Variants in DLG5 observed in about 807,000 individuals in gnomAD.
The protein encoded by DLG5 is discs large MAGUK scaffold protein 5, also known as disks large homolog 5.
Under a neutral mutation model 189.8 loss-of-function variants are expected in DLG5, and 48 were observed. That is an observed-to-expected ratio of 0.25 (90% CI 0.20 to 0.32). DLG5 has a LOEUF of 0.32. DLG5 is among the 10% of genes least tolerant of loss of function. The pLI, the probability that DLG5 is intolerant of heterozygous loss-of-function variation, is 1.00. For missense variants in DLG5, 2,160 were observed against 2,544.7 expected (o/e 0.85, Z 3.25); for synonymous variants, 1,016 against 1,054.1 (o/e 0.96, Z 0.70).
chr10:77,828,486 CAAAAAAA>C lies in DLG5; in HGVS notation c.2289+389_2289+395del, dbSNP rs34839290. On this transcript the variant is annotated intron_variant, in intron 13 of 31. Coordinates refer to ENST00000372391, the MANE Select transcript of DLG5 (RefSeq NM_004747.4). ...TGGGTGACAGAGCAAGACTCCATAT[CAAAAAAA>C]AAAAAAAAAAAAAAAAAGTTAATAG... Among the ~76,000 whole-genome samples, 24 of 66,464 alleles carry C rather than the reference CAAAAAAA, an allele frequency of 3.6e-4. 1 individual carries two copies. The East Asian group carries it at 5.7e-3, about 16-fold the overall frequency. The allele number at this position is 66,464 out of a possible 152,430, so 43.6% of individuals were successfully genotyped here.
At position 77,892,943 on chromosome 10, in the gene DLG5, C is replaced by T. The variant is rs373094418; in HGVS notation, c.305-23746G>A. ...CTTCCTGCTGTCCTCTCAGACTAAACGCAGTAGGTACTGGGTCACTGGGAG... is the reference window on the plus strand; with the variant it reads ...CTTCCTGCTGTCCTCTCAGACTAAATGCAGTAGGTACTGGGTCACTGGGAG... On this transcript the variant is annotated intron_variant, in intron 1 of 31. Coordinates refer to ENST00000372391, the MANE Select transcript of DLG5 (RefSeq NM_004747.4). 9.8e-5 allele frequency among the ~76,000 whole-genome samples: 15 copies of T among 152,334 alleles called. No homozygotes were observed. The South Asian group carries it at 2.7e-3, about 27-fold the overall frequency.
In DLG5 at chr10:77,810,603, G is replaced by C. The variant is rs372128062; in HGVS notation, c.4463+491C>G. Reference sequence around the variant, plus strand: ...CTCTTTATGCCCACTCTTGGCTCTTGCCTGTCCTGAACATTTTAATCCAGC... The same window carrying C: ...CTCTTTATGCCCACTCTTGGCTCTTCCCTGTCCTGAACATTTTAATCCAGC... On this transcript the variant is annotated intron_variant, in intron 23 of 31. Transcript: ENST00000372391. Among the ~76,000 whole-genome samples, 11 of 152,336 alleles carry C rather than the reference G, an allele frequency of 7.2e-5. No individual in the cohort carries two copies. In the South Asian group the frequency reaches 1.2e-3, roughly 17 times the overall value.
chr10:77,890,247 C>G (rs911672024), intron 1 of DLG5, among the ~76,000 whole-genome samples: 1 of 152,214 alleles, frequency 6.6e-6, no homozygotes, highest in African/African-American at 2.4e-5. Flanking sequence ...GGATGCTGAG[C>G]TGCAGCAGGA....
Position 77,820,077 on chromosome 10 carries a change from G to A in DLG5, c.3403-59C>T, listed in dbSNP as rs939041586. On this transcript the variant is annotated intron_variant, in intron 15 of 31. Transcript: ENST00000372391. ...AGAGTGGAGTGTGGCCAGGCGCAGT[G>A]GCTCACACCTATAATCCCAGCACTC... 55 of 1,601,658 alleles carry A rather than the reference G, an allele frequency of 3.4e-5. No homozygotes were observed. In the African/African-American group the frequency reaches 5.6e-4, roughly 16 times the overall value.
chr10:77,795,070 GCAGTAAAGCCACA>G, intron 29 of DLG5, 112 bp from the exon 30 acceptor site: 1 of 763,666 alleles, frequency 1.3e-6, no homozygotes, highest in South Asian at 1.7e-5. Flanking sequence ...CACAAACAAG[GCAGTAAAGCCACA>G]CAGTACACCG....
intron 5 of DLG5, among the ~76,000 whole-genome samples, chr10:77,850,561 G>C (rs1843920100): frequency 6.6e-6 from 1 of 152,158 alleles, no homozygotes; most frequent in African/African-American, 2.4e-5. Flanking sequence ...GTCGCTGGGA[G>C]GTCACCTGTT....
chr10:77,864,340 G>C (rs1399307669), intron 2 of DLG5, among the ~76,000 whole-genome samples: 1 of 152,222 alleles, frequency 6.6e-6, no homozygotes, highest in Non-Finnish European at 1.5e-5. Context: ...TCCAGGCCCT[G>C]GCTGCCCGGG....
chr10:77,855,071 C>T (rs1844166699), intron 3 of DLG5, among the ~76,000 whole-genome samples: 2 of 152,222 alleles, frequency 1.3e-5, no homozygotes, highest in Admixed American at 6.5e-5. Flanking sequence ...AGAACAATGA[C>T]TCTCAATCTT....
At chr10:77,846,971 A>G (rs1380470647) in intron 5 of DLG5, among the ~76,000 whole-genome samples, 1 of 152,076 alleles carries the variant, frequency 6.6e-6, no homozygotes, top group Admixed American at 6.6e-5. Context: ...CACCTCCACA[A>G]GTGCTCGGCA....
intron 1 of DLG5, among the ~76,000 whole-genome samples, chr10:77,893,651 T>A (rs1269793930): frequency 1.3e-5 from 2 of 152,214 alleles, no homozygotes; most frequent in African/African-American, 4.8e-5. Flanking sequence ...AAGCATCTGC[T>A]CTGGACGGTC....
chr10:77,824,343 A>G lies in DLG5; in HGVS notation c.2382+41T>C, dbSNP rs1220373310. The G allele has an allele frequency of 3.4e-6, 5 of 1,472,118 alleles. No individual in the cohort carries two copies. In the South Asian group the frequency reaches 4.6e-5, roughly 14 times the overall value. 91.2% of individuals were successfully genotyped at this position (1,472,118 alleles called of 1,614,324 possible). On this transcript the variant is annotated intron_variant, in intron 14 of 31. Transcript: ENST00000372391. Reference sequence around the variant, plus strand: ...GCTATGTGGAGCCGGGGCTCTGCCCATACTCCTGACCGTGAGAGCAGAGCC... The same window carrying G: ...GCTATGTGGAGCCGGGGCTCTGCCCGTACTCCTGACCGTGAGAGCAGAGCC...
At chr10:77,892,713 T>G (rs557093175) in intron 1 of DLG5, among the ~76,000 whole-genome samples, 1 of 152,320 alleles carries the variant, frequency 6.6e-6, no homozygotes, top group Non-Finnish European at 1.5e-5. Context: ...CTAGCTTCCC[T>G]CACAGGGCCA....
At chr10:77,919,420 G>A (rs925580480) in intron 1 of DLG5, among the ~76,000 whole-genome samples, 1 of 151,378 alleles carries the variant, frequency 6.6e-6, no homozygotes, top group African/African-American at 2.4e-5. Flanking sequence ...TGCCACCTGG[G>A]AAGTGCTCAA....
chr10:77,838,204 G>A (rs1403015112), intron 7 of DLG5, among the ~76,000 whole-genome samples: 11 of 152,190 alleles, frequency 7.2e-5, no homozygotes, highest in African/African-American at 4.8e-5. Context: ...GGCAGCAGAC[G>A]GCAGGAGCAT....
chr10:77,794,451 G>A (rs1840803447), intron 30 of DLG5, among the ~76,000 whole-genome samples: 2 of 152,332 alleles, frequency 1.3e-5, no homozygotes, highest in East Asian at 1.9e-4. Flanking sequence ...GAAGCTCAGC[G>A]AAGGCAACGG....
chr10:77,917,525 A>C (rs1022362673), intron 1 of DLG5, among the ~76,000 whole-genome samples: 1 of 60,686 alleles, frequency 1.6e-5, no homozygotes, highest in Admixed American at 1.3e-4. Flanking sequence ...TCCATCTCCA[A>C]AAAAAAAAAA....
the DLG5 span, among the ~76,000 whole-genome samples, chr10:77,940,283 G>C: frequency 6.6e-6 from 1 of 152,124 alleles, no homozygotes; most frequent in Non-Finnish European, 1.5e-5. Context: ...CCACTTCCCT[G>C]CCCACCTTTG....
upstream of DLG5, among the ~76,000 whole-genome samples, chr10:77,931,579 A>T (rs1846786594): frequency 6.6e-6 from 1 of 151,984 alleles, no homozygotes; most frequent in South Asian, 2.1e-4. Flanking sequence ...ACAACTCCCC[A>T]TAGAAAACTG....
At chr10:77,903,427 CAAAAAAAAAAATA>C (rs1306487312) in intron 1 of DLG5, among the ~76,000 whole-genome samples, 2 of 134,030 alleles carry the variant, frequency 1.5e-5, no homozygotes, top group Non-Finnish European at 3.2e-5. Context: ...GACTCTGTCT[CAAAAAAAAAAATA>C]AAAAAGAAAA....
Sources: allele counts gnomAD v4.1 joint callset (sites outside exome capture counted in the v4.1 genomes callset), GRCh38; gene constraint gnomAD v4.1.1; transcripts MANE v1.5; gene names NCBI Gene and HGNC (gene_info 2026-07-23, HGNC 2026-07-21).